TRAPPC9: variants seen among roughly 807,000 people sequenced by gnomAD.
The protein encoded by TRAPPC9 is trafficking protein particle complex subunit 9.
A neutral mutation model predicts 124.0 loss-of-function variants in TRAPPC9; 83 were observed. The observed-to-expected ratio is 0.67, with a 90% CI of 0.56 to 0.80. The LOEUF (loss-of-function observed/expected upper bound fraction) is 0.80, where lower values mean the gene tolerates loss of function less well. Among genes scored for constraint, TRAPPC9 ranks in the 30% least tolerant of loss-of-function variants. The pLI is 0.00. For missense variants in TRAPPC9, 1,302 were observed against 1,508.3 expected (o/e 0.86, Z 2.27); for synonymous variants, 638 against 617.5 (o/e 1.03, Z -0.49).
intron 19 of TRAPPC9, among the ~76,000 whole-genome samples, chr8:139,953,455 G>A (rs1834783816): frequency 6.6e-6 from 1 of 152,178 alleles, no homozygotes; most frequent in South Asian, 2.1e-4. Flanking sequence ...TCGTGCCACT[G>A]CACTCCAGCC....
intron 18 of TRAPPC9, among the ~76,000 whole-genome samples, chr8:140,022,350 A>T (rs1587514337): frequency 6.6e-6 from 1 of 152,214 alleles, no homozygotes; most frequent in African/African-American, 2.4e-5. Context: ...CAGGGAAAAG[A>T]ACCACGGAAA....
intron 17 of TRAPPC9, among the ~76,000 whole-genome samples, chr8:140,075,334 G>C (rs1365489695): frequency 2.6e-5 from 4 of 152,186 alleles, no homozygotes; most frequent in African/African-American, 9.7e-5. Flanking sequence ...CTCTTGACTA[G>C]TTGGGGCCAA....
At chr8:140,412,681 G>GA (rs2069749938) in intron 5 of TRAPPC9, among the ~76,000 whole-genome samples, 4 of 152,138 alleles carry the variant, frequency 2.6e-5, no homozygotes, top group Admixed American at 2.6e-4. Context: ...AAATACGGGT[G>GA]AAGAGTACAT....
At chr8:139,958,096 T>G (rs531178128) in intron 19 of TRAPPC9, among the ~76,000 whole-genome samples, 1 of 152,248 alleles carries the variant, frequency 6.6e-6, no homozygotes, top group South Asian at 2.1e-4. Context: ...CAGTTGGTGA[T>G]GGGGACTTGG....
chr8:139,943,193 A>G (rs546409933), intron 19 of TRAPPC9, among the ~76,000 whole-genome samples: 2 of 152,250 alleles, frequency 1.3e-5, no homozygotes, highest in East Asian at 3.9e-4. Flanking sequence ...CAGCCTCCCA[A>G]GTAGTTGGGA....
chr8:139,831,757 G>C (rs1826010896), intron 21 of TRAPPC9, among the ~76,000 whole-genome samples: 1 of 152,216 alleles, frequency 6.6e-6, no homozygotes. Context: ...TTGCCGCAGT[G>C]AAAGTGTTAC....
intron 21 of TRAPPC9, among the ~76,000 whole-genome samples, chr8:139,858,634 G>A (rs1027927809): frequency 6.6e-6 from 1 of 152,148 alleles, no homozygotes; most frequent in Non-Finnish European, 1.5e-5. Flanking sequence ...AGTGCTAGAG[G>A]GGACAGGACA....
At chr8:139,896,763 AGTTGG>A (rs1454528347) in intron 20 of TRAPPC9, among the ~76,000 whole-genome samples, 2 of 152,244 alleles carry the variant, frequency 1.3e-5, no homozygotes, top group Non-Finnish European at 2.9e-5. Flanking sequence ...GTTGGCCAGC[AGTTGG>A]GTCAGTGTCC....
At chr8:139,779,722 G>T (rs1821656791) in intron 21 of TRAPPC9, among the ~76,000 whole-genome samples, 1 of 152,044 alleles carries the variant, frequency 6.6e-6, no homozygotes. Context: ...GCCAATGAAG[G>T]AGATCAACTA....
At chr8:140,185,259 C>G (rs1047749055) in intron 17 of TRAPPC9, among the ~76,000 whole-genome samples, 1 of 152,222 alleles carries the variant, frequency 6.6e-6, no homozygotes, top group African/African-American at 2.4e-5. Flanking sequence ...TCCCGGGGCT[C>G]TGAGTCCAGC....
chr8:140,114,332 G>GAAAAA (rs59499088), intron 17 of TRAPPC9, among the ~76,000 whole-genome samples: 7 of 116,982 alleles, frequency 6.0e-5, no homozygotes, highest in African/African-American at 1.6e-4. Context: ...AAGGACTGAA[G>GAAAAA]AAAAAAAAAA....
chr8:140,329,310 C>T (rs1003815271), intron 9 of TRAPPC9, among the ~76,000 whole-genome samples: 1 of 152,100 alleles, frequency 6.6e-6, no homozygotes, highest in Admixed American at 6.5e-5. Flanking sequence ...TTGGGATCAC[C>T]ATACGTGAGA....
chr8:140,309,925 C>G (rs1369785693), intron 10 of TRAPPC9, among the ~76,000 whole-genome samples: 3 of 152,216 alleles, frequency 2.0e-5, no homozygotes, highest in Non-Finnish European at 2.9e-5. Flanking sequence ...CCCCTTGCAG[C>G]TCTGCCTGAT....
intron 17 of TRAPPC9, among the ~76,000 whole-genome samples, chr8:140,160,978 C>T (rs569736152): frequency 2.6e-5 from 4 of 152,098 alleles, no homozygotes; most frequent in African/African-American, 9.7e-5. Flanking sequence ...TTAAATTAAC[C>T]GCCTGACTTC....
chr8:139,971,310 C>T (rs1169663292), intron 19 of TRAPPC9, among the ~76,000 whole-genome samples: 1 of 152,208 alleles, frequency 6.6e-6, no homozygotes, highest in Admixed American at 6.5e-5. Flanking sequence ...TCACTCCCAC[C>T]CTGAACAGCT....
At chr8:140,308,625 G>A (rs1234175005) in intron 10 of TRAPPC9, among the ~76,000 whole-genome samples, 2 of 152,200 alleles carry the variant, frequency 1.3e-5, no homozygotes, top group African/African-American at 2.4e-5. Flanking sequence ...GCTCACGCCT[G>A]TAATCCCAAC....
intron 15 of TRAPPC9, among the ~76,000 whole-genome samples, chr8:140,261,326 AAAG>A (rs2064403435): frequency 6.6e-6 from 1 of 152,232 alleles, no homozygotes; most frequent in African/African-American, 2.4e-5. Flanking sequence ...GGACAGAGAT[AAAG>A]AAGATGTAGC....
chr8:140,175,201 A>G (rs142047421), intron 17 of TRAPPC9, among the ~76,000 whole-genome samples: 2 of 152,062 alleles, frequency 1.3e-5, no homozygotes, highest in African/African-American at 4.8e-5. Flanking sequence ...CACAGCTAAC[A>G]GGAAAATCAG....
At chr8:140,425,986 T>G (rs919701412) in intron 5 of TRAPPC9, among the ~76,000 whole-genome samples, 4 of 152,258 alleles carry the variant, frequency 2.6e-5, no homozygotes, top group Admixed American at 6.5e-5. Flanking sequence ...AAAGCGAATG[T>G]GTTAGTCACA....
Sources: gnomAD v4.1 joint callset for allele counts (sites outside exome capture counted in the v4.1 genomes callset) on GRCh38, gnomAD v4.1.1 for gene constraint, MANE v1.5 for transcripts, NCBI Gene and HGNC (gene_info 2026-07-23, HGNC 2026-07-21) for gene names.